The following TMEM63A variants were observed in gnomAD, a reference collection of about 807,000 sequenced individuals.
TMEM63A encodes the protein transmembrane protein 63A.
Under a neutral mutation model 100.6 loss-of-function variants are expected in TMEM63A, and 76 were observed. The observed-to-expected ratio is 0.76, with a 90% CI of 0.63 to 0.91. The LOEUF (loss-of-function observed/expected upper bound fraction) is 0.91. TMEM63A is among the 40% of genes least tolerant of loss of function. The pLI, the probability that TMEM63A is intolerant of heterozygous loss-of-function variation, is 0.00. For synonymous variants in TMEM63A, 401 were observed against 401.1 expected (o/e 1.00, Z 0.00); for missense variants, 876 against 1,008.8 (o/e 0.87, Z 1.78).
intron 20 of TMEM63A, among the ~76,000 whole-genome samples, chr1:225,851,477 C>T (rs1030674952): frequency 3.9e-5 from 6 of 152,142 alleles, no homozygotes; most frequent in Admixed American, 3.9e-4. Context: ...TCAAGTGATT[C>T]TCCTACCTCA....
intron 6 of TMEM63A, among the ~76,000 whole-genome samples, chr1:225,869,851 C>T (rs1344012409): frequency 2.6e-5 from 4 of 151,026 alleles, no homozygotes; most frequent in African/African-American, 4.9e-5. Flanking sequence ...TTAGTAGAGA[C>T]GGAGTTTCAC....
chr1:225,865,924 C>T lies in TMEM63A; in HGVS notation c.719G>A (p.Arg240Lys). 6.2e-7 allele frequency: 1 copy of T among 1,614,068 alleles called. No individual in the cohort carries two copies. The highest frequency in any genetic ancestry group is 8.5e-7 in the Non-Finnish European group (1 of 1,179,964). The change falls in exon 10 of 25, where the codon AGG becomes AAG. Residue 240 changes from arginine (R) to lysine (K), a missense_variant. By Grantham distance (26) the Arg-to-Lys change is conservative. This residue lies in a region of TMEM63A where 487 missense variants were observed against 581.9 expected (regional missense o/e 0.84). Coordinates refer to ENST00000366835, the MANE Select transcript of TMEM63A (RefSeq NM_014698.3). The surrounding 1 kb of genome is among the most constrained non-coding windows in gnomAD (Gnocchi z 4.6). ...GAAGTGGCTCTCCACAGTCTCCTTCCTGGCATCTCTGGGGAGTCCTGTGAT... is the reference window on the plus strand; with the variant it reads ...GAAGTGGCTCTCCACAGTCTCCTTCTTGGCATCTCTGGGGAGTCCTGTGAT... Reference protein sequence around the residue: ...LFITGLPRDARKETVESHFRD... With the variant: ...LFITGLPRDAKKETVESHFRD...
downstream of TMEM63A, among the ~76,000 whole-genome samples, chr1:225,840,588 C>G (rs11805420): frequency 0.011 from 1,678 of 152,318 alleles, 34 homozygotes; most frequent in African/African-American, 0.038. Context: ...CTAACAGACA[C>G]AAAACTTGTC....
chr1:225,880,136 G>A (rs1037089727), intron 1 of TMEM63A, among the ~76,000 whole-genome samples: 7 of 152,268 alleles, frequency 4.6e-5, no homozygotes, highest in African/African-American at 1.7e-4. Context: ...CAGGGAGGTG[G>A]CTAGCAAATA....
chr1:225,844,498 G>C (rs551205180), downstream of TMEM63A: 74 of 1,614,112 alleles, frequency 4.6e-5, no homozygotes, highest in South Asian at 8.1e-4. Context: ...GCGTTCCCAG[G>C]AAGTTCTCCC....
chr1:225,852,906 G>A (rs1669423060), intron 19 of TMEM63A, 137 bp from the exon 20 acceptor site: 1 of 725,322 alleles, frequency 1.4e-6, no homozygotes, highest in Admixed American at 2.1e-5. Flanking sequence ...CGCCTCCCAA[G>A]GTCCTTCCCA....
chr1:225,865,784 G>T lies in TMEM63A; in HGVS notation c.746+113C>A. 2 of 1,078,372 alleles carry T rather than the reference G, an allele frequency of 1.9e-6. No individual in the cohort carries two copies. Among genetic ancestry groups the T allele is most frequent in the Non-Finnish European group, 2.7e-6 (2 of 730,066 alleles). The allele number at this position is 1,078,372 out of a possible 1,614,324, so 66.8% of individuals were successfully genotyped here. On this transcript the variant is annotated intron_variant, in intron 10 of 24. Coordinates refer to ENST00000366835, the MANE Select transcript of TMEM63A (RefSeq NM_014698.3). The surrounding 1 kb of genome is among the most constrained non-coding windows in gnomAD (Gnocchi z 4.6). ...GCCAGGTCCTTCTCAGATCTCACCT[G>T]GATACCCAAGCGAGAGACAGAAGGC...
At chr1:225,879,552 GC>G (rs1397241358) in intron 1 of TMEM63A, 142 bp from the exon 2 acceptor site, 1 of 153,062 alleles carries the variant, frequency 6.5e-6, no homozygotes, top group Non-Finnish European at 1.5e-5. Flanking sequence ...GCTCCCTCCT[GC>G]CTTGATCTCT....
At position 225,877,598 on chromosome 1, in the gene TMEM63A, G is replaced by C. The variant is rs1412919485; in HGVS notation, c.-14-4C>G. 1.2e-6 allele frequency: 2 copies of C among 1,609,608 alleles called. No homozygotes were observed. The highest frequency in any genetic ancestry group is 1.7e-6 in the Non-Finnish European group (2 of 1,177,400). ...TCCATCATCGCGCCTGTCTTCCCTG[G>C]AGCACAGGACAACAGGACAAGGCAG... On this transcript the variant is annotated splice_region_variant and splice_polypyrimidine_tract_variant and intron_variant, in intron 2 of 24. Coordinates refer to ENST00000366835, the MANE Select transcript of TMEM63A (RefSeq NM_014698.3).
At chr1:225,850,393 A>G (rs1267042501) in intron 20 of TMEM63A, among the ~76,000 whole-genome samples, 1 of 152,234 alleles carries the variant, frequency 6.6e-6, no homozygotes, top group East Asian at 1.9e-4. Context: ...GCATAGCTTC[A>G]GTAAAGGGTT....
At chr1:225,844,674 G>T (rs1306413837), downstream of TMEM63A, 11 of 1,609,882 alleles carry the variant, frequency 6.8e-6, no homozygotes, top group Non-Finnish European at 6.8e-6. Flanking sequence ...GAGGCAGGGG[G>T]ACGGCCAGTC....
At chr1:225,840,987 A>C (rs1048612450), downstream of TMEM63A, 1 of 152,230 alleles carries the variant, frequency 6.6e-6, no homozygotes, top group Non-Finnish European at 1.5e-5. Flanking sequence ...CATTAAAGAC[A>C]ATCTCATATA....
chr1:225,867,121 A>G lies in TMEM63A; in HGVS notation c.557T>C (p.Leu186Pro). The stretch of plus-strand genomic sequence containing the variant: ...CGGGCTCCATACTCACTCAGTCTGT[A>G]GGTTTGCTATTGTTGTCCTCCCAAA... ...YSFGRTTIAN[L>P]QTDNDLLWLH... Residue 186 changes from leucine (L) to proline (P), a missense_variant, in exon 8 of 25, where the codon CTA becomes CCA. Leu to Pro is a moderately conservative substitution (Grantham distance 98). Transcript: ENST00000366835. The surrounding 1 kb of genome is among the most constrained non-coding windows in gnomAD (Gnocchi z 4.6). 1 of 1,614,074 alleles carries G rather than the reference A, an allele frequency of 6.2e-7. No homozygotes were observed. The highest frequency in any genetic ancestry group is 8.5e-7 in the Non-Finnish European group (1 of 1,180,016).
At position 225,848,530 on chromosome 1, in the gene TMEM63A, C is replaced by T; in HGVS notation, c.2212G>A (p.Gly738Arg). The T allele has an allele frequency of 6.2e-7, 1 of 1,614,136 alleles. No homozygotes were observed. The highest frequency in any genetic ancestry group is 1.1e-5 in the South Asian group (1 of 91,080). ...YKTEEPASDK[G>R]SEAEAHMPPP... ...GGCATGTGGGCCTCTGCCTCACTTC[C>T]TTTGTCACTTGCAGGCTCTTCTGTC... The change falls in exon 23 of 25, where the codon GGA becomes AGA. Residue 738 changes from glycine (G) to arginine (R), a missense_variant. Gly to Arg is a moderately radical substitution (Grantham distance 125). Around this residue, in one of 5 missense-constraint regions of TMEM63A, gnomAD observed 339 missense variants for 342.3 expected, o/e 0.99. Coordinates refer to ENST00000366835, the MANE Select transcript of TMEM63A (RefSeq NM_014698.3).
Position 225,879,249 on chromosome 1 carries a change from T to C in TMEM63A, c.-44A>G, listed in dbSNP as rs904495920. The C allele has an allele frequency of 1.3e-5, 2 of 152,258 alleles. No homozygotes were observed. The highest frequency in any genetic ancestry group is 4.8e-5 in the African/African-American group (2 of 41,456). 9.4% of individuals were successfully genotyped at this position (152,258 alleles called of 1,614,324 possible). A position where few individuals can be genotyped will look rare whatever the true frequency, so the allele number is the denominator to read the frequency against. Reference sequence around the variant, plus strand: ...CACTAGGGGAAGGAAGGACTGTGGATGGGCCCGTTGGAGAGGTCCTCAGTT... The same window carrying C: ...CACTAGGGGAAGGAAGGACTGTGGACGGGCCCGTTGGAGAGGTCCTCAGTT... On this transcript the variant is annotated 5_prime_UTR_variant, in exon 2 of 25. Coordinates refer to ENST00000366835, the MANE Select transcript of TMEM63A (RefSeq NM_014698.3).
At chr1:225,840,599 A>G (rs180961292), downstream of TMEM63A, among the ~76,000 whole-genome samples, 9 of 152,400 alleles carry the variant, frequency 5.9e-5, no homozygotes, top group East Asian at 1.5e-3. Flanking sequence ...AAAACTTGTC[A>G]ACATCCACAG....
chr1:225,844,512 A>T (rs1414613814), downstream of TMEM63A: 1 of 1,614,014 alleles, frequency 6.2e-7, no homozygotes, highest in Non-Finnish European at 8.5e-7. Flanking sequence ...TTCTCCCTGG[A>T]CGACCTGCTG....
intron 23 of TMEM63A, 124 bp from the exon 24 acceptor site, chr1:225,847,337 C>T (rs976815808): frequency 4.4e-5 from 55 of 1,244,608 alleles, no homozygotes; most frequent in East Asian, 7.5e-5. Context: ...GAAGAAACAC[C>T]GACATCCATT....
chr1:225,874,417 T>C, intron 3 of TMEM63A, 50 bp from the exon 4 acceptor site: 1 of 1,539,962 alleles, frequency 6.5e-7, no homozygotes, highest in Non-Finnish European at 8.9e-7. Flanking sequence ...GGCTTCTCAT[T>C]AGAAGACACA....
Sources: gnomAD v4.1 joint callset for allele counts (sites outside exome capture counted in the v4.1 genomes callset) on GRCh38, gnomAD v4.1.1 for gene constraint, gnomAD v4.1.1 regional missense constraint, Gnocchi (gnomAD v3.1) non-coding constraint, MANE v1.5 for transcripts, NCBI Gene and HGNC (gene_info 2026-07-23, HGNC 2026-07-21) for gene names.